The following GRIP1 variants were observed in gnomAD, a reference collection of about 807,000 sequenced individuals.
The protein encoded by GRIP1 is glutamate receptor-interacting protein 1.
A neutral mutation model predicts 129.9 loss-of-function variants in GRIP1; 45 were observed. The observed-to-expected ratio is 0.35, with a 90% CI of 0.27 to 0.44. The LOEUF (loss-of-function observed/expected upper bound fraction) is 0.44, where lower values mean the gene tolerates loss of function less well. Ranked by LOEUF, GRIP1 falls within the 20% of genes least tolerant of loss-of-function variation. The pLI is 1.00. For synonymous variants in GRIP1, 530 were observed against 520.8 expected (o/e 1.02, Z -0.24); for missense variants, 1,196 against 1,396.8 (o/e 0.86, Z 2.29).
chr12:66,749,794 G>A (rs1225029621), intron 1 of GRIP1, among the ~76,000 whole-genome samples: 2 of 152,110 alleles, frequency 1.3e-5, no homozygotes, highest in Non-Finnish European at 2.9e-5. Flanking sequence ...GAGGCATCTT[G>A]GATGAAGAAA....
At chr12:66,600,428 TA>T (rs1221771923) in intron 1 of GRIP1, among the ~76,000 whole-genome samples, 1 of 152,246 alleles carries the variant, frequency 6.6e-6, no homozygotes, top group Admixed American at 6.5e-5. Flanking sequence ...AGGCATTCAC[TA>T]AATGTTTGCT....
At chr12:66,638,550 G>C (rs114597169) in intron 1 of GRIP1, among the ~76,000 whole-genome samples, 1 of 152,144 alleles carries the variant, frequency 6.6e-6, no homozygotes, top group Non-Finnish European at 1.5e-5. Flanking sequence ...TAGTTAACAA[G>C]TCAAGAGCTA....
chr12:66,359,696 A>G (rs186050535), intron 23 of GRIP1, among the ~76,000 whole-genome samples: 1 of 152,376 alleles, frequency 6.6e-6, no homozygotes, highest in East Asian at 1.9e-4. Context: ...GAATTTCAAT[A>G]GCCAGCTATA....
chr12:66,642,822 T>G (rs2032049028), intron 1 of GRIP1, among the ~76,000 whole-genome samples: 1 of 152,074 alleles, frequency 6.6e-6, no homozygotes, highest in Non-Finnish European at 1.5e-5. Context: ...TAAAATACAG[T>G]GATAATAGCA....
intron 9 of GRIP1, among the ~76,000 whole-genome samples, chr12:66,461,273 G>T (rs2059128089): frequency 6.6e-6 from 1 of 152,186 alleles, no homozygotes; most frequent in South Asian, 2.1e-4. Flanking sequence ...TTTTAAAAGG[G>T]TCTGGTATGC....
intron 1 of GRIP1, among the ~76,000 whole-genome samples, chr12:66,768,482 T>A (rs2037715659): frequency 6.6e-6 from 1 of 152,150 alleles, no homozygotes; most frequent in Non-Finnish European, 1.5e-5. Flanking sequence ...ATGACGCACC[T>A]CAGTGAATTG....
intron 1 of GRIP1, among the ~76,000 whole-genome samples, chr12:66,927,221 C>T (rs1170399485): frequency 6.6e-6 from 1 of 152,120 alleles, no homozygotes; most frequent in Non-Finnish European, 1.5e-5. Flanking sequence ...GTTATACATC[C>T]CTTTATTATT....
Position 66,715,479 on chromosome 12 carries a change from A to AGG in GRIP1, c.-419-85144_-419-85143insCC, listed in dbSNP as rs1233655753. On this transcript the variant is annotated intron_variant, in intron 1 of 4. Transcript: ENST00000538373. ...GTGTGTGTGTGTGTGTGTGAGAGAG[A>AGG]GAGAGAGAGAGAGAGAGAGAGAGAG... Among the ~76,000 whole-genome samples the AGG allele has an allele frequency of 2.6e-3, 142 of 53,776 alleles. 1 individual carries two copies. The highest frequency in any genetic ancestry group is 6.7e-3 in the African/African-American group (127 of 19,074). 35.3% of individuals were successfully genotyped at this position (53,776 alleles called of 152,430 possible).
rs376981392 is a variant in GRIP1, at chr12:66,968,012, C to A, written c.58+101038G>T. ...CTTACTGATTTTCTGCTGGCTTGAT[C>A]TATCAACTAGTGAAAGAGGGGTGTT... On this transcript the variant is annotated intron_variant, in intron 1 of 1. Coordinates refer to the GRIP1 transcript ENST00000643019. Among the ~76,000 whole-genome samples the A allele has an allele frequency of 1.7e-4, 26 of 152,266 alleles. No homozygotes were observed. The East Asian group carries it at 4.4e-3, about 26-fold the overall frequency.
At chr12:66,695,553 AG>A (rs1035021919) in intron 1 of GRIP1, among the ~76,000 whole-genome samples, 24 of 152,214 alleles carry the variant, frequency 1.6e-4, no homozygotes, top group Admixed American at 6.5e-4. Context: ...CTTGCTAGGC[AG>A]GTAGGAGGTT....
chr12:66,915,175 A>T (rs17836569), intron 1 of GRIP1, among the ~76,000 whole-genome samples: 6,985 of 152,300 alleles, frequency 0.046, 314 homozygotes, highest in East Asian at 0.18. Flanking sequence ...TGCTTTTGAG[A>T]TGTTGCTTCT....
Position 66,480,722 on chromosome 12 carries a change from C to T in GRIP1, c.725-15300G>A, listed in dbSNP as rs140661126. On this transcript the variant is annotated intron_variant, in intron 7 of 24. Coordinates refer to ENST00000359742, the MANE Select transcript of GRIP1 (RefSeq NM_001366722.1). ...CTGGTATCAAAACAGAGATATAGAC[C>T]AATGGAACAGAACAGAGGCCTCAGA... Among the ~76,000 whole-genome samples the T allele has an allele frequency of 6.0e-3, 920 of 152,162 alleles. 8 individuals carry two copies. The highest frequency in any genetic ancestry group is 0.021 in the African/African-American group (875 of 41,502).
At chr12:66,390,463 T>G (rs971441736) in intron 19 of GRIP1, among the ~76,000 whole-genome samples, 4 of 152,198 alleles carry the variant, frequency 2.6e-5, no homozygotes, top group South Asian at 4.1e-4. Context: ...AAATGCAAAA[T>G]GTAATATTAT....
chr12:66,851,138 T>C (rs1045611615), intron 1 of GRIP1, among the ~76,000 whole-genome samples: 1 of 151,762 alleles, frequency 6.6e-6, no homozygotes, highest in Non-Finnish European at 1.5e-5. Flanking sequence ...GAACAAAGGA[T>C]AAGCTGAAAG....
chr12:66,998,346 G>T (rs2042500319), intron 1 of GRIP1, among the ~76,000 whole-genome samples: 1 of 152,054 alleles, frequency 6.6e-6, no homozygotes, highest in South Asian at 2.1e-4. Flanking sequence ...TGGAATTTCT[G>T]TTTGAAGGTT....
intron 1 of GRIP1, among the ~76,000 whole-genome samples, chr12:66,755,532 T>C (rs1186250926): frequency 1.3e-5 from 2 of 152,234 alleles, no homozygotes; most frequent in Non-Finnish European, 2.9e-5. Context: ...GACAAAAGTC[T>C]TATGCACATC....
At chr12:66,548,791 G>T (rs1166490725) in intron 2 of GRIP1, among the ~76,000 whole-genome samples, 1 of 152,264 alleles carries the variant, frequency 6.6e-6, no homozygotes, top group East Asian at 1.9e-4. Flanking sequence ...GTTGCTGCGG[G>T]TGATTGGAGT....
At chr12:66,975,919 A>G (rs2042144912) in intron 1 of GRIP1, among the ~76,000 whole-genome samples, 1 of 152,204 alleles carries the variant, frequency 6.6e-6, no homozygotes, top group Non-Finnish European at 1.5e-5. Flanking sequence ...TGCCTCATAG[A>G]GATGGATTTT....
chr12:66,982,891 T>C (rs2042259180), intron 1 of GRIP1, among the ~76,000 whole-genome samples: 1 of 152,168 alleles, frequency 6.6e-6, no homozygotes, highest in African/African-American at 2.4e-5. Flanking sequence ...CTAACACAAC[T>C]TCCTTTGAAG....
Sources: gnomAD v4.1 joint callset for allele counts (sites outside exome capture counted in the v4.1 genomes callset) on GRCh38, gnomAD v4.1.1 for gene constraint, MANE v1.5 for transcripts, NCBI Gene and HGNC (gene_info 2026-07-23, HGNC 2026-07-21) for gene names.